The following MAP7D2 variants were observed in gnomAD, a reference collection of about 807,000 sequenced individuals.
MAP7D2 encodes the protein MAP7 domain containing 2, also known as MAP7 domain-containing protein 2.
A neutral mutation model predicts 63.5 loss-of-function variants in MAP7D2; 33 were observed. That is an observed-to-expected ratio of 0.52 (90% CI 0.39 to 0.70). The LOEUF (loss-of-function observed/expected upper bound fraction) is 0.70, where lower values mean the gene tolerates loss of function less well. Among genes scored for constraint, MAP7D2 ranks in the 30% least tolerant of loss-of-function variants. The pLI, the probability that MAP7D2 is intolerant of heterozygous loss-of-function variation, is 0.00. For missense variants in MAP7D2, 626 were observed against 604.0 expected (o/e 1.04, Z -0.38); for synonymous variants, 224 against 223.7 (o/e 1.00, Z -0.01).
At chrX:20,063,289 G>A (rs1409166002) in intron 3 of MAP7D2, 125 bp downstream of exon 3, 2 of 698,208 alleles carry the variant, frequency 2.9e-6, no homozygotes, top group Non-Finnish European at 4.2e-6. Context: ...GAAGGCATGG[G>A]AGCCACCAAG....
chrX:20,111,010 A>C (rs745963348), intron 1 of MAP7D2, among the ~76,000 whole-genome samples: 1 of 111,794 alleles, frequency 8.9e-6, no homozygotes, highest in South Asian at 3.8e-4. Context: ...GCAGGCCTTA[A>C]GAGAACTGGC....
At chrX:20,012,601 T>C (rs990538225) in intron 14 of MAP7D2, 66 bp from the exon 15 acceptor site, 115 of 933,075 alleles carry the variant, frequency 1.2e-4, no homozygotes, top group East Asian at 3.2e-4. Flanking sequence ...CAGAGAAATA[T>C]AGATCAAGGC....
chrX:20,105,197 T>C (rs1317689977), intron 1 of MAP7D2, among the ~76,000 whole-genome samples: 1 of 110,992 alleles, frequency 9.0e-6, no homozygotes, highest in Non-Finnish European at 1.9e-5. Flanking sequence ...TTATATAAAA[T>C]ACAGTAGAAA....
chrX:20,094,516 G>GTATATA (rs1208747143), intron 1 of MAP7D2, among the ~76,000 whole-genome samples: 1 of 11,884 alleles, frequency 8.4e-5, no homozygotes, highest in Non-Finnish European at 1.1e-4. Flanking sequence ...ATATATATAT[G>GTATATA]TATATATATA....
intron 3 of MAP7D2, among the ~76,000 whole-genome samples, chrX:20,062,217 T>A (rs2065240966): frequency 8.9e-6 from 1 of 112,076 alleles, no homozygotes; most frequent in Non-Finnish European, 1.9e-5. Flanking sequence ...ACTACCTCTG[T>A]TTTGGGCTAA....
intron 3 of MAP7D2, among the ~76,000 whole-genome samples, chrX:20,060,609 C>T (rs1006803843): frequency 1.2e-4 from 13 of 111,421 alleles, no homozygotes; most frequent in African/African-American, 4.2e-4. Flanking sequence ...GGCTGGCATA[C>T]TGTGTTGTCA....
At chrX:20,024,319 G>A (rs941682655) in intron 10 of MAP7D2, among the ~76,000 whole-genome samples, 1 of 112,160 alleles carries the variant, frequency 8.9e-6, no homozygotes, top group Non-Finnish European at 1.9e-5. Context: ...GAACAGGGCT[G>A]AGTCCATGTG....
intron 1 of MAP7D2, among the ~76,000 whole-genome samples, chrX:20,074,122 T>G (rs2065583903): frequency 1.1e-5 from 1 of 93,534 alleles, no homozygotes. Flanking sequence ...GCAACGAGAG[T>G]GAAACTCCGT....
At chrX:20,071,291 A>C (rs780879647) in intron 1 of MAP7D2, among the ~76,000 whole-genome samples, 5 of 112,532 alleles carry the variant, frequency 4.4e-5, no homozygotes, top group Non-Finnish European at 7.5e-5. Flanking sequence ...GCTTTCAAAA[A>C]TATAGATGCC....
chrX:20,061,870 C>T (rs2065233587), intron 3 of MAP7D2, among the ~76,000 whole-genome samples: 1 of 112,201 alleles, frequency 8.9e-6, no homozygotes, highest in African/African-American at 3.2e-5. Flanking sequence ...GCAGCAGTGA[C>T]AAGCTTTCAA....
chrX:20,098,077 G>A (rs929991936), intron 1 of MAP7D2, among the ~76,000 whole-genome samples: 1 of 111,465 alleles, frequency 9.0e-6, no homozygotes, highest in Non-Finnish European at 1.9e-5. Context: ...TATGTCCACA[G>A]ACATCCAGCC....
At chrX:20,073,050 C>T (rs747614743) in intron 1 of MAP7D2, among the ~76,000 whole-genome samples, 4 of 110,783 alleles carry the variant, frequency 3.6e-5, no homozygotes, top group Admixed American at 9.6e-5. Context: ...TGCTCCCCCC[C>T]ACCCCAAAAA....
At chrX:20,023,615 A>C (rs989939286) in intron 10 of MAP7D2, among the ~76,000 whole-genome samples, 4 of 112,421 alleles carry the variant, frequency 3.6e-5, no homozygotes, top group African/African-American at 1.3e-4. Flanking sequence ...GCTGTGAAGA[A>C]AATGGGAGAT....
intron 1 of MAP7D2, among the ~76,000 whole-genome samples, chrX:20,105,304 A>T (rs2066538952): frequency 8.9e-6 from 1 of 111,894 alleles, no homozygotes; most frequent in Admixed American, 9.5e-5. Flanking sequence ...CACAGCAACC[A>T]GAGTACCACA....
Position 20,015,312 on chromosome X carries a change from T to C in MAP7D2, c.1660A>G (p.Thr554Ala), listed in dbSNP as rs1057117866. The part of the protein sequence containing the change: ...MIEKQKEAAE[T>A]KAREVAEQMR... ...TGTTCAGCTACCTCCCGGGCCTTTG[T>C]TTCTGCTGCTTCTTTCTAACAGAAA... Residue 554 changes from threonine to alanine, a missense_variant, in exon 12 of 17, where the codon ACA becomes GCA. Transcript: ENST00000379643. The C allele has an allele frequency of 8.3e-7, 1 of 1,207,831 alleles. No individual in the cohort carries two copies. Among genetic ancestry groups the C allele is most frequent in the Non-Finnish European group, 1.1e-6 (1 of 892,209 alleles).
At chrX:20,055,979 T>C in intron 4 of MAP7D2, 1 of 271,987 alleles carries the variant, frequency 3.7e-6, no homozygotes, top group Admixed American at 5.4e-5. Flanking sequence ...GTATATTTAC[T>C]GCCCAAAGGT....
In MAP7D2 at chrX:20,112,284, A is replaced by C. The variant is rs974843780; in HGVS notation, c.130+4466T>G. Among the ~76,000 whole-genome samples, 5 of 111,935 alleles carry C rather than the reference A, an allele frequency of 4.5e-5. No individual in the cohort carries two copies. The South Asian group carries it at 1.8e-3, about 41-fold the overall frequency. ...GGGGACAGACCCTGTCATTCCAAGG[A>C]TCTCAGGCATTTGGCATCACTGCTG... On this transcript the variant is annotated intron_variant, in intron 1 of 16. Transcript: ENST00000379643.
chrX:20,060,192 G>A (rs2065173129), intron 3 of MAP7D2, among the ~76,000 whole-genome samples: 1 of 109,540 alleles, frequency 9.1e-6, no homozygotes, highest in African/African-American at 3.3e-5. Flanking sequence ...TCTAATTTTT[G>A]TATTTTTAGT....
chrX:20,073,994 G>T (rs1046679617), intron 1 of MAP7D2, among the ~76,000 whole-genome samples: 2 of 108,204 alleles, frequency 1.8e-5, no homozygotes, highest in Non-Finnish European at 1.9e-5. Flanking sequence ...AATTAGCCGG[G>T]CATGGTGGCA....
Sources: gnomAD v4.1 joint callset for allele counts (sites outside exome capture counted in the v4.1 genomes callset) on GRCh38, gnomAD v4.1.1 for gene constraint, MANE v1.5 for transcripts, NCBI Gene and HGNC (gene_info 2026-07-23, HGNC 2026-07-21) for gene names.